CLSTN2: variants seen among roughly 807,000 people sequenced by gnomAD.
CLSTN2 encodes the protein calsyntenin-2.
Under a neutral mutation model 101.2 loss-of-function variants are expected in CLSTN2, and 48 were observed. That is an observed-to-expected ratio of 0.47 (90% CI 0.38 to 0.60). The LOEUF is 0.60. CLSTN2 is among the 20% of genes least tolerant of loss of function. CLSTN2 has a pLI of 0.00. For missense variants in CLSTN2, 1,160 were observed against 1,238.2 expected, an observed-to-expected ratio of 0.94 and a Z score of 0.95; for synonymous variants, 481 against 463.6, an observed-to-expected ratio of 1.04 and a Z score of -0.48.
chr3:140,158,408 CA>C (rs1163864448), intron 1 of CLSTN2, among the ~76,000 whole-genome samples: 2 of 146,380 alleles, frequency 1.4e-5, no homozygotes, highest in East Asian at 1.9e-4. Context: ...CAATAACATT[CA>C]AGCTGAAAGT....
At chr3:140,267,903 A>T (rs2086709395) in intron 2 of CLSTN2, among the ~76,000 whole-genome samples, 1 of 152,180 alleles carries the variant, frequency 6.6e-6, no homozygotes, top group Admixed American at 6.5e-5. Context: ...GAATTCCTAG[A>T]AGGCACAGCT....
chr3:140,184,196 A>G (rs1475017655), intron 2 of CLSTN2, among the ~76,000 whole-genome samples: 1 of 152,234 alleles, frequency 6.6e-6, no homozygotes, highest in Non-Finnish European at 1.5e-5. Context: ...CTTAAAGTGC[A>G]GAAATGTAAA....
intron 1 of CLSTN2, among the ~76,000 whole-genome samples, chr3:139,941,922 A>C (rs902508464): frequency 6.6e-6 from 1 of 152,344 alleles, no homozygotes; most frequent in Admixed American, 6.5e-5. Flanking sequence ...CCTATGAAGG[A>C]GGTAAATCTA....
chr3:140,522,104 G>T (rs1480354141), intron 8 of CLSTN2, among the ~76,000 whole-genome samples: 1 of 152,238 alleles, frequency 6.6e-6, no homozygotes, highest in African/African-American at 2.4e-5. Context: ...TGTGGGAGAA[G>T]CATGGTTTCC....
At chr3:140,288,564 C>A (rs915000838) in intron 2 of CLSTN2, among the ~76,000 whole-genome samples, 5 of 152,078 alleles carry the variant, frequency 3.3e-5, no homozygotes, top group Admixed American at 6.5e-5. Flanking sequence ...ATTCAGATTC[C>A]CAAGTCCAAG....
At chr3:140,331,990 C>T (rs1191846712) in intron 2 of CLSTN2, among the ~76,000 whole-genome samples, 1 of 152,176 alleles carries the variant, frequency 6.6e-6, no homozygotes, top group African/African-American at 2.4e-5. Context: ...ATATGCTTGG[C>T]TCTGGGTTTG....
At chr3:140,414,851 A>C (rs895767549) in intron 4 of CLSTN2, among the ~76,000 whole-genome samples, 18 of 152,138 alleles carry the variant, frequency 1.2e-4, no homozygotes, top group African/African-American at 4.3e-4. Flanking sequence ...TAGAAGCACA[A>C]AAGACCTCAA....
At chr3:140,331,975 CAAT>C (rs2087387624) in intron 2 of CLSTN2, among the ~76,000 whole-genome samples, 1 of 152,134 alleles carries the variant, frequency 6.6e-6, no homozygotes, top group South Asian at 2.1e-4. Context: ...CAGTGTTTTC[CAAT>C]AATATGCTTG....
chr3:140,033,422 G>C (rs1021188831), intron 1 of CLSTN2, among the ~76,000 whole-genome samples: 4 of 152,212 alleles, frequency 2.6e-5, no homozygotes, highest in African/African-American at 7.2e-5. Context: ...TGAGTGCCAG[G>C]CATGATTCTT....
intron 4 of CLSTN2, among the ~76,000 whole-genome samples, chr3:140,414,668 A>G (rs1004453216): frequency 2.0e-5 from 3 of 152,080 alleles, no homozygotes; most frequent in African/African-American, 4.8e-5. Context: ...CTTCACCACT[A>G]TACAATTTAT....
chr3:140,332,099 G>A (rs7624142), intron 2 of CLSTN2, among the ~76,000 whole-genome samples: 68,841 of 152,040 alleles, frequency 0.45, 16,591 homozygotes, highest in Non-Finnish European at 0.55. Flanking sequence ...TCTGGGAGCC[G>A]GGGCAGGGTC....
intron 8 of CLSTN2, among the ~76,000 whole-genome samples, chr3:140,497,928 T>C (rs569203469): frequency 6.6e-6 from 1 of 152,216 alleles, no homozygotes; most frequent in East Asian, 1.9e-4. Flanking sequence ...TTGGCTGGCG[T>C]TGGGGGTTCC....
At chr3:140,441,636 A>ACTGTCTAAGTGACAC (rs2088766937) in intron 5 of CLSTN2, among the ~76,000 whole-genome samples, 1 of 152,176 alleles carries the variant, frequency 6.6e-6, no homozygotes, top group Non-Finnish European at 1.5e-5. Context: ...TCTGCACTCT[A>ACTGTCTAAGTGACAC]CTGTCTAAGT....
chr3:139,989,580 C>T (rs1002236816), intron 1 of CLSTN2, among the ~76,000 whole-genome samples: 1 of 152,162 alleles, frequency 6.6e-6, no homozygotes, highest in South Asian at 2.1e-4. Flanking sequence ...CTGGACCCAG[C>T]AGAGGTCAGA....
chr3:140,537,039 T>C (rs1935374336), intron 9 of CLSTN2, among the ~76,000 whole-genome samples: 1 of 152,250 alleles, frequency 6.6e-6, no homozygotes, highest in Admixed American at 6.5e-5. Flanking sequence ...GCAGCCCTTA[T>C]CTCTGCATGT....
At chr3:140,282,814 T>C (rs2086861044) in intron 2 of CLSTN2, among the ~76,000 whole-genome samples, 1 of 152,200 alleles carries the variant, frequency 6.6e-6, no homozygotes, top group Non-Finnish European at 1.5e-5. Flanking sequence ...ACTGTGCTGT[T>C]GTACAGTATG....
At chr3:140,253,933 G>A (rs1255826932) in intron 2 of CLSTN2, among the ~76,000 whole-genome samples, 2 of 152,180 alleles carry the variant, frequency 1.3e-5, no homozygotes, top group African/African-American at 4.8e-5. Context: ...AAAGCCCTGA[G>A]AAGGCCTTTG....
chr3:140,093,188 G>T (rs762879228), intron 1 of CLSTN2, among the ~76,000 whole-genome samples: 7 of 152,170 alleles, frequency 4.6e-5, no homozygotes, highest in African/African-American at 7.2e-5. Flanking sequence ...CGGTGGGGCA[G>T]GGGTGTCGCC....
chr3:140,347,710 AAT>A (rs1553734738), intron 2 of CLSTN2, among the ~76,000 whole-genome samples: 1 of 152,198 alleles, frequency 6.6e-6, no homozygotes, highest in Non-Finnish European at 1.5e-5. Flanking sequence ...TTTTCACATG[AAT>A]ATTCATCAAA....
Sources: allele counts gnomAD v4.1 joint callset (sites outside exome capture counted in the v4.1 genomes callset), GRCh38; gene constraint gnomAD v4.1.1; transcripts MANE v1.5; gene names NCBI Gene and HGNC (gene_info 2026-07-23, HGNC 2026-07-21).